Variants in OR14C36 observed in about 807,000 individuals in gnomAD.
OR14C36 encodes the protein olfactory receptor 14C36.
For missense variants in OR14C36, 404 were observed against 384.8 expected (o/e 1.05, Z -0.42); for synonymous variants, 142 against 146.8 (o/e 0.97, Z 0.24).
chr1:248,349,618 C>G lies in OR14C36; in HGVS notation c.844C>G (p.Leu282Val). The stretch of plus-strand genomic sequence containing the variant: ...TGGTTTTTATTCCATAATGCCTCCC[C>G]TCTTTAACCCTATTATTTACAGTCT... ...LSGFYSIMPP[L>V]FNPIIYSLRN... is the part of the protein sequence containing the mutation. The change falls in exon 1 of 1, where the codon CTC becomes GTC. Residue 282 changes from leucine to valine, a missense_variant. Coordinates refer to ENST00000317861, the MANE Select transcript of OR14C36 (RefSeq NM_001001918.1). 1 of 1,613,764 alleles carries G rather than the reference C, an allele frequency of 6.2e-7. No homozygotes were observed.
Position 248,349,372 on chromosome 1 carries a change from T to C in OR14C36, c.598T>C (p.Ser200Pro). The C allele has an allele frequency of 6.2e-7, 1 of 1,614,128 alleles. No individual in the cohort carries two copies. The stretch of plus-strand genomic sequence containing the variant: ...CAGCAATGAGGTCATGATTGTTGTC[T>C]CTGCTCTGGGGGTAGGTGGCGGCTG... ...TFSNEVMIVV[S>P]ALGVGGGCFI... Residue 200 changes from serine (S) to proline (P), a missense_variant, in exon 1 of 1, where the codon TCT becomes CCT. Physicochemically the swap from Ser to Pro is moderately conservative, Grantham distance 74 (BLOSUM62 -1). Coordinates refer to ENST00000317861, the MANE Select transcript of OR14C36 (RefSeq NM_001001918.1).
Position 248,348,931 on chromosome 1 carries a change from C to T in OR14C36, c.157C>T (p.Leu53Phe). The T allele has an allele frequency of 1.2e-6, 2 of 1,613,742 alleles. No individual in the cohort carries two copies. Among genetic ancestry groups the T allele is most frequent in the Non-Finnish European group, 1.7e-6 (2 of 1,179,966 alleles). The part of the protein sequence containing the change: ...IVTVTTCDSS[L>F]HMPMYFFLRN... ...GACCGTCACCACCTGTGACAGCAGC[C>T]TTCACATGCCCATGTACTTCTTCCT... Residue 53 changes from leucine to phenylalanine, a missense_variant, in exon 1 of 1, where the codon CTT (leucine) becomes TTT (phenylalanine). Leu to Phe is a conservative substitution (Grantham distance 22). Coordinates refer to ENST00000317861, the MANE Select transcript of OR14C36 (RefSeq NM_001001918.1).
Position 248,349,638 on chromosome 1 carries a change from C to T in OR14C36, c.864C>T (p.Tyr288=), listed in dbSNP as rs376102606. 2.2e-5 allele frequency: 36 copies of T among 1,607,132 alleles called. No individual in the cohort carries two copies. The highest frequency in any genetic ancestry group is 1.6e-4 in the Middle Eastern group (1 of 6,076). Residue 288 remains tyrosine (Y), a synonymous_variant, in exon 1 of 1, where the codon TAC becomes TAT. Transcript: ENST00000317861. The part of the protein sequence containing the change: ...IMPPLFNPII[Y]SLRNKQIKVA... The stretch of plus-strand genomic sequence containing the variant: ...CTCCCCTCTTTAACCCTATTATTTA[C>T]AGTCTTAGAAATAAGCAAATAAAGG...
Position 248,349,688 on chromosome 1 carries a change from G to T in OR14C36, c.914G>T (p.Arg305Ile), listed in dbSNP as rs74467694. Reference protein sequence around the residue: ...IKVAIKKIMKRIFYSENV With the variant: ...IKVAIKKIMKIIFYSENV ...GTGGCCATCAAGAAAATCATGAAGAGAATTTTTTATTCAGAAAATGTGTAA... is the reference window on the plus strand; with the variant it reads ...GTGGCCATCAAGAAAATCATGAAGATAATTTTTTATTCAGAAAATGTGTAA... Residue 305 changes from arginine to isoleucine, a missense_variant, in exon 1 of 1, where the codon AGA becomes ATA. Arg to Ile is a moderately conservative substitution (Grantham distance 97). Coordinates refer to ENST00000317861, the MANE Select transcript of OR14C36 (RefSeq NM_001001918.1). 3.1e-3 allele frequency: 4,952 copies of T among 1,602,742 alleles called. 132 individuals are homozygous for T. In the African/African-American group the frequency reaches 0.058, roughly 19 times the overall value.
In OR14C36 at chr1:248,349,256, C is replaced by T; in HGVS notation, c.482C>T (p.Thr161Ile). Residue 161 changes from threonine (T) to isoleucine (I), a missense_variant, in exon 1 of 1, where the codon ACA becomes ATA. By Grantham distance (89) the Thr-to-Ile change is moderately conservative. Coordinates refer to ENST00000317861, the MANE Select transcript of OR14C36 (RefSeq NM_001001918.1). Reference sequence around the variant, plus strand: ...TATGCAGGCATGCACACTGGCAGCACATTCCAGCTGCCCTTCTGTCGGTCC... The same window carrying T: ...TATGCAGGCATGCACACTGGCAGCATATTCCAGCTGCCCTTCTGTCGGTCC... Reference protein sequence around the residue: ...LVYAGMHTGSTFQLPFCRSNV... With the variant: ...LVYAGMHTGSIFQLPFCRSNV... 6.2e-7 allele frequency: 1 copy of T among 1,613,740 alleles called. No individual in the cohort carries two copies. The highest frequency in any genetic ancestry group is 8.5e-7 in the Non-Finnish European group (1 of 1,179,730).
In OR14C36 at chr1:248,349,096, G is replaced by A. The variant is rs1185910405; in HGVS notation, c.322G>A (p.Val108Met). The A allele has an allele frequency of 3.1e-6, 5 of 1,613,760 alleles. No homozygotes were observed. The Admixed American group carries it at 6.7e-5, about 22-fold the overall frequency. Residue 108 changes from valine to methionine, a missense_variant, in exon 1 of 1, where the codon GTG (valine) becomes ATG (methionine). By Grantham distance (21) the Val-to-Met change is conservative (BLOSUM62 1). Coordinates refer to ENST00000317861, the MANE Select transcript of OR14C36 (RefSeq NM_001001918.1). Reference protein sequence around the residue: ...QVFLVVFFVYVELLFLTIMAH... With the variant: ...QVFLVVFFVYMELLFLTIMAH... Reference sequence around the variant, plus strand: ...CTTCCTCGTGGTTTTTTTTGTATATGTGGAGCTTCTGTTTCTCACCATTAT... The same window carrying A: ...CTTCCTCGTGGTTTTTTTTGTATATATGGAGCTTCTGTTTCTCACCATTAT...
chr1:248,349,078 G>T lies in OR14C36; in HGVS notation c.304G>T (p.Val102Leu). The change falls in exon 1 of 1, where the codon GTG becomes TTG. Residue 102 changes from valine (V) to leucine (L), a missense_variant. By Grantham distance (32) the Val-to-Leu change is conservative. Transcript: ENST00000317861. ...GGGATGTGTAGCTCAGGTCTTCCTC[G>T]TGGTTTTTTTTGTATATGTGGAGCT... ...KAGCVAQVFL[V>L]VFFVYVELLF... 2 of 1,613,682 alleles carry T rather than the reference G, an allele frequency of 1.2e-6. No homozygotes were observed. Among genetic ancestry groups the T allele is most frequent in the Non-Finnish European group, 1.7e-6 (2 of 1,179,930 alleles).
At position 248,349,331 on chromosome 1, in the gene OR14C36, C is replaced by T. The variant is rs1165816402; in HGVS notation, c.557C>T (p.Ser186Phe). Residue 186 changes from serine to phenylalanine, a missense_variant, in exon 1 of 1, where the codon TCT becomes TTT. Ser to Phe is a radical substitution (Grantham distance 155). Transcript: ENST00000317861. ...FCDIPSLLKL[S>F]CSDTFSNEVM... ...GACATCCCCTCTCTGCTGAAGCTCT[C>T]TTGCTCTGACACCTTCAGCAATGAG... 11 of 1,614,058 alleles carry T rather than the reference C, an allele frequency of 6.8e-6. No homozygotes were observed. Among genetic ancestry groups the T allele is most frequent in the Non-Finnish European group, 8.5e-6 (10 of 1,179,976 alleles).
chr1:248,349,662 G>A lies in OR14C36; in HGVS notation c.888G>A (p.Lys296=). The A allele has an allele frequency of 6.2e-7, 1 of 1,605,744 alleles. No individual in the cohort carries two copies. The highest frequency in any genetic ancestry group is 8.5e-7 in the Non-Finnish European group (1 of 1,178,048). ...ACAGTCTTAGAAATAAGCAAATAAAGGTGGCCATCAAGAAAATCATGAAGA... is the reference window on the plus strand; with the variant it reads ...ACAGTCTTAGAAATAAGCAAATAAAAGTGGCCATCAAGAAAATCATGAAGA... The part of the protein sequence containing the change: ...IIYSLRNKQI[K]VAIKKIMKRI... Residue 296 remains lysine (K), a synonymous_variant, in exon 1 of 1, where the codon AAG becomes AAA. Transcript: ENST00000317861.
rs1258975910 is a variant in OR14C36 at position 248,349,396 on chromosome 1, T to C, written c.622T>C (p.Cys208Arg). 6.2e-7 allele frequency: 1 copy of C among 1,614,014 alleles called. No homozygotes were observed. The highest frequency in any genetic ancestry group is 8.5e-7 in the Non-Finnish European group (1 of 1,180,030). ...VVSALGVGGG[C>R]FIFIIRSYIH... ...CTCTGCTCTGGGGGTAGGTGGCGGC[T>C]GTTTCATCTTTATCATCAGGTCTTA... The change falls in exon 1 of 1, where the codon TGT becomes CGT. Residue 208 changes from cysteine to arginine, a missense_variant. Coordinates refer to ENST00000317861, the MANE Select transcript of OR14C36 (RefSeq NM_001001918.1).
At position 248,349,230 on chromosome 1, in the gene OR14C36, C is replaced by A; in HGVS notation, c.456C>A (p.Val152=). The change falls in exon 1 of 1, where the codon GTC becomes GTA. Residue 152 remains valine, a synonymous_variant. Coordinates refer to ENST00000317861, the MANE Select transcript of OR14C36 (RefSeq NM_001001918.1). ...TGGCCTCCCTACTCAGTGGTCTTGT[C>A]TATGCAGGCATGCACACTGGCAGCA... The part of the protein sequence containing the change: ...MTLASLLSGL[V]YAGMHTGSTF... 1 of 1,613,972 alleles carries A rather than the reference C, an allele frequency of 6.2e-7. No individual in the cohort carries two copies.
chr1:248,349,299 C>T lies in OR14C36; in HGVS notation c.525C>T (p.Phe175=). The change falls in exon 1 of 1, where the codon TTC becomes TTT. Residue 175 remains phenylalanine, a synonymous_variant. Transcript: ENST00000317861. ...PFCRSNVIHQ[F]FCDIPSLLKL... ...GTCGGTCCAACGTTATTCATCAATT[C>T]TTCTGTGACATCCCCTCTCTGCTGA... 6.2e-7 allele frequency: 1 copy of T among 1,614,112 alleles called. No homozygotes were observed. The highest frequency in any genetic ancestry group is 1.1e-5 in the South Asian group (1 of 91,078).
At position 248,348,859 on chromosome 1, in the gene OR14C36, T is replaced by G. The variant is rs778349766; in HGVS notation, c.85T>G (p.Phe29Val). ...WTLQILHSAS[F>V]FMLYLVTLMG... is the part of the protein sequence containing the mutation. Reference sequence around the variant, plus strand: ...ACTACAGATTTTACATTCTGCATCCTTCTTTATGTTGTATTTGGTAACTCT... The same window carrying G: ...ACTACAGATTTTACATTCTGCATCCGTCTTTATGTTGTATTTGGTAACTCT... The change falls in exon 1 of 1, where the codon TTC (phenylalanine) becomes GTC (valine). Residue 29 changes from phenylalanine (F) to valine (V), a missense_variant. Phe to Val is a conservative substitution (Grantham distance 50). Transcript: ENST00000317861. 18 of 1,613,664 alleles carry G rather than the reference T, an allele frequency of 1.1e-5. No individual in the cohort carries two copies. Among genetic ancestry groups the G allele is most frequent in the East Asian group, 4.5e-5 (2 of 44,894 alleles).
rs935631991 is a variant in OR14C36, at chr1:248,348,943, A to G, written c.169A>G (p.Met57Val). ...TTCDSSLHMPMYFFLRNLSIL... is the reference protein window; with the variant it reads ...TTCDSSLHMPVYFFLRNLSIL... ...CTGTGACAGCAGCCTTCACATGCCC[A>G]TGTACTTCTTCCTCAGGAATCTGTC... Residue 57 changes from methionine (M) to valine (V), a missense_variant, in exon 1 of 1, where the codon ATG becomes GTG. Physicochemically the swap from Met to Val is conservative, Grantham distance 21. Coordinates refer to ENST00000317861, the MANE Select transcript of OR14C36 (RefSeq NM_001001918.1). 1.9e-6 allele frequency: 3 copies of G among 1,613,056 alleles called. No individual in the cohort carries two copies. The highest frequency in any genetic ancestry group is 1.3e-5 in the African/African-American group (1 of 74,604).
At position 248,349,002 on chromosome 1, in the gene OR14C36, C is replaced by T. The variant is rs267598504; in HGVS notation, c.228C>T (p.Val76=). ...ATGCCTGCTACATTTCTGTTACAGT[C>T]CCTACCTCATGTGTCAATTCCCTAC... is the stretch of plus-strand genomic sequence containing the variant. ...ILDACYISVT[V]PTSCVNSLLD... Residue 76 remains valine (V), a synonymous_variant, in exon 1 of 1, where the codon GTC becomes GTT. Transcript: ENST00000317861. The T allele has an allele frequency of 6.2e-7, 1 of 1,613,636 alleles. No individual in the cohort carries two copies. The highest frequency in any genetic ancestry group is 8.5e-7 in the Non-Finnish European group (1 of 1,179,904).
rs143199703 is a variant in OR14C36 at position 248,349,560 on chromosome 1, G to T, written c.786G>T (p.Ala262=). The change falls in exon 1 of 1, where the codon GCG becomes GCT. Residue 262 remains alanine (A), a synonymous_variant. Transcript: ENST00000317861. ...SCSSVYLRPP[A]IPAATQDLIL... is the part of the protein sequence containing the mutation. ...CTTCTGTGTACCTCAGGCCACCTGCGATACCTGCAGCCACCCAGGATCTGA... is the reference window on the plus strand; with the variant it reads ...CTTCTGTGTACCTCAGGCCACCTGCTATACCTGCAGCCACCCAGGATCTGA... 2.5e-6 allele frequency: 4 copies of T among 1,614,060 alleles called. No individual in the cohort carries two copies. The Admixed American group carries it at 6.7e-5, about 27-fold the overall frequency.
At position 248,349,510 on chromosome 1, in the gene OR14C36, G is replaced by T; in HGVS notation, c.736G>T (p.Val246Leu). The T allele has an allele frequency of 6.2e-7, 1 of 1,614,066 alleles. No homozygotes were observed. Among genetic ancestry groups the T allele is most frequent in the Non-Finnish European group, 8.5e-7 (1 of 1,179,988 alleles). ...FSTCIPHILV[V>L]SVFLSSCSSV... ...CACCTGCATCCCTCACATCCTGGTG[G>T]TGTCAGTCTTCCTCAGTTCATGCTC... is the stretch of plus-strand genomic sequence containing the variant. The change falls in exon 1 of 1, where the codon GTG becomes TTG. Residue 246 changes from valine to leucine, a missense_variant. Physicochemically the swap from Val to Leu is conservative, Grantham distance 32. Transcript: ENST00000317861.
Position 248,348,987 on chromosome 1 carries a change from C to T in OR14C36, c.213C>T (p.Tyr71=), listed in dbSNP as rs541939168. 96 of 1,613,632 alleles carry T rather than the reference C, an allele frequency of 5.9e-5. No individual in the cohort carries two copies. Among genetic ancestry groups the T allele is most frequent in the Middle Eastern group, 3.3e-4 (2 of 6,080 alleles). ...ATCTGTCTATCTTGGATGCCTGCTA[C>T]ATTTCTGTTACAGTCCCTACCTCAT... The part of the protein sequence containing the change: ...LRNLSILDAC[Y]ISVTVPTSCV... The change falls in exon 1 of 1, where the codon TAC becomes TAT. Residue 71 remains tyrosine, a synonymous_variant. Transcript: ENST00000317861.
In OR14C36 at chr1:248,349,055, G is replaced by A. The variant is rs1223006230; in HGVS notation, c.281G>A (p.Gly94Glu). The change falls in exon 1 of 1, where the codon GGA (glycine) becomes GAA (glutamate). Residue 94 changes from glycine to glutamate, a missense_variant. Coordinates refer to ENST00000317861, the MANE Select transcript of OR14C36 (RefSeq NM_001001918.1). ...GACAGCACCACCATTTCTAAGGCGG[G>A]ATGTGTAGCTCAGGTCTTCCTCGTG... ...LLDSTTISKA[G>E]CVAQVFLVVF... 4.3e-6 allele frequency: 7 copies of A among 1,613,810 alleles called. No homozygotes were observed. Among genetic ancestry groups the A allele is most frequent in the Non-Finnish European group, 5.9e-6 (7 of 1,179,994 alleles).
Sources: gnomAD v4.1 joint callset for allele counts on GRCh38, gnomAD v4.1.1 for gene constraint, MANE v1.5 for transcripts, NCBI Gene and HGNC (gene_info 2026-07-23, HGNC 2026-07-21) for gene names.